The following PCDH15 variants were observed in gnomAD, a reference collection of about 807,000 sequenced individuals.
PCDH15 encodes protocadherin related 15.
Under a neutral mutation model 178.5 loss-of-function variants are expected in PCDH15, and 129 were observed. That is an observed-to-expected ratio of 0.72 (90% CI 0.63 to 0.84). PCDH15 has a LOEUF of 0.84. Ranked by LOEUF, PCDH15 falls within the 40% of genes least tolerant of loss-of-function variation. PCDH15 has a pLI of 0.00. For missense variants in PCDH15, 2,230 were observed against 2,099.9 expected (o/e 1.06, Z -1.21); for synonymous variants, 800 against 732.0 (o/e 1.09, Z -1.50).
At chr10:54,897,967 G>C (rs1954573733) in intron 2 of PCDH15, among the ~76,000 whole-genome samples, 1 of 152,062 alleles carries the variant, frequency 6.6e-6, no homozygotes. Context: ...ATATAGTTTG[G>C]ATATCCCCTC....
intron 18 of PCDH15, among the ~76,000 whole-genome samples, chr10:54,063,346 A>G (rs963016506): frequency 6.6e-6 from 1 of 151,958 alleles, no homozygotes; most frequent in African/African-American, 2.4e-5. Flanking sequence ...ACAGATTCCA[A>G]CTTCTCTCAA....
At chr10:54,266,413 A>G (rs1736495923) in intron 8 of PCDH15, among the ~76,000 whole-genome samples, 1 of 151,896 alleles carries the variant, frequency 6.6e-6, no homozygotes, top group Admixed American at 6.6e-5. Context: ...AAACAAGAAA[A>G]AAACTATATC....
chr10:55,138,017 C>T (rs993066718), intron 2 of PCDH15, among the ~76,000 whole-genome samples: 7 of 152,172 alleles, frequency 4.6e-5, no homozygotes, highest in Admixed American at 2.0e-4. Context: ...TTCTTCCCTG[C>T]AGGTACTTTT....
At chr10:54,695,072 G>C (rs2095198877) in intron 1 of PCDH15, among the ~76,000 whole-genome samples, 1 of 151,942 alleles carries the variant, frequency 6.6e-6, no homozygotes, top group South Asian at 2.1e-4. Flanking sequence ...GGTAGGGGGA[G>C]GGGGAGGGGG....
intron 2 of PCDH15, among the ~76,000 whole-genome samples, chr10:55,560,644 G>C (rs1246852699): frequency 3.3e-5 from 5 of 151,762 alleles, no homozygotes; most frequent in Non-Finnish European, 7.4e-5. Flanking sequence ...AATCAATTCA[G>C]TAATGAAAAA....
intron 13 of PCDH15, among the ~76,000 whole-genome samples, chr10:54,175,164 C>T (rs1446842228): frequency 6.6e-6 from 1 of 152,110 alleles, no homozygotes; most frequent in African/African-American, 2.4e-5. Flanking sequence ...ATATAACCCT[C>T]AAACTTTAAT....
chr10:54,460,084 A>T (rs763891256), intron 3 of PCDH15, among the ~76,000 whole-genome samples: 1 of 152,162 alleles, frequency 6.6e-6, no homozygotes, highest in Non-Finnish European at 1.5e-5. Context: ...ATACAGTCTA[A>T]TTTCACTATT....
intron 2 of PCDH15, among the ~76,000 whole-genome samples, chr10:54,943,797 G>A (rs1838121278): frequency 1.3e-5 from 2 of 150,958 alleles, no homozygotes; most frequent in South Asian, 4.2e-4. Flanking sequence ...AAAAAAGCAC[G>A]ATCTTAAGAA....
intron 1 of PCDH15, among the ~76,000 whole-genome samples, chr10:55,231,000 T>C (rs1841201054): frequency 6.6e-6 from 1 of 151,916 alleles, no homozygotes; most frequent in African/African-American, 2.4e-5. Flanking sequence ...AAAAGAAATA[T>C]ATGTAGAGAT....
intron 1 of PCDH15, among the ~76,000 whole-genome samples, chr10:55,261,122 C>A (rs1359224821): frequency 6.6e-6 from 1 of 152,080 alleles, no homozygotes; most frequent in Non-Finnish European, 1.5e-5. Context: ...TTCCATGCAA[C>A]AAATCAAAAT....
At chr10:55,392,842 A>G (rs1248027166) in intron 2 of PCDH15, among the ~76,000 whole-genome samples, 1 of 152,134 alleles carries the variant, frequency 6.6e-6, no homozygotes, top group Non-Finnish European at 1.5e-5. Flanking sequence ...AAAACTATTT[A>G]GCCCTCTTAC....
At chr10:55,253,197 T>C (rs1243120701) in intron 1 of PCDH15, among the ~76,000 whole-genome samples, 1 of 151,392 alleles carries the variant, frequency 6.6e-6, no homozygotes, top group East Asian at 2.0e-4. Flanking sequence ...GGAGAGAGTA[T>C]AGGGCATGGA....
At chr10:54,642,613 T>C (rs2094017573) in intron 2 of PCDH15, among the ~76,000 whole-genome samples, 1 of 152,168 alleles carries the variant, frequency 6.6e-6, no homozygotes, top group Admixed American at 6.5e-5. Flanking sequence ...TTATCAGCTA[T>C]GCAATGAATT....
At chr10:54,720,383 G>GA (rs761620240) in intron 1 of PCDH15, among the ~76,000 whole-genome samples, 14 of 149,768 alleles carry the variant, frequency 9.3e-5, no homozygotes, top group South Asian at 2.1e-4. Flanking sequence ...AGTCAAAGTG[G>GA]AAAAAAAAAT....
intron 2 of PCDH15, among the ~76,000 whole-genome samples, chr10:55,438,601 A>C (rs1387469936): frequency 6.6e-6 from 1 of 152,114 alleles, no homozygotes; most frequent in Non-Finnish European, 1.5e-5. Context: ...AGATGATAAA[A>C]TACAGGAAAA....
chr10:54,709,319 TG>T (rs967627816), intron 1 of PCDH15, among the ~76,000 whole-genome samples: 1 of 152,032 alleles, frequency 6.6e-6, no homozygotes, highest in Admixed American at 6.6e-5. Flanking sequence ...CACTTATTCT[TG>T]GATTGATTGA....
At position 54,697,197 on chromosome 10, in the gene PCDH15, T is replaced by C. The variant is rs73254510; in HGVS notation, c.-28-32907A>G. On this transcript the variant is annotated intron_variant, in intron 1 of 37. Transcript: ENST00000644397. ...ATAAAAAATAGTAACAAATTTCAAA[T>C]AGAATGGAAAGAGTAAATTATCTAA... 8.1e-3 allele frequency among the ~76,000 whole-genome samples: 1,226 copies of C among 152,222 alleles called. 12 individuals are homozygous for C. The highest frequency in any genetic ancestry group is 0.028 in the African/African-American group (1,182 of 41,570).
intron 18 of PCDH15, among the ~76,000 whole-genome samples, chr10:54,029,763 C>T (rs972596360): frequency 2.6e-5 from 4 of 152,106 alleles, no homozygotes; most frequent in African/African-American, 9.7e-5. Flanking sequence ...ATTCATTCCC[C>T]ACCCCTTTTT....
chr10:55,474,101 G>T (rs2132110283), intron 2 of PCDH15, among the ~76,000 whole-genome samples: 1 of 152,246 alleles, frequency 6.6e-6, no homozygotes, highest in East Asian at 1.9e-4. Flanking sequence ...GGTTAAAAAA[G>T]TGAATATTAC....
Sources: gnomAD v4.1 joint callset for allele counts (sites outside exome capture counted in the v4.1 genomes callset) on GRCh38, gnomAD v4.1.1 for gene constraint, MANE v1.5 for transcripts, NCBI Gene and HGNC (gene_info 2026-07-23, HGNC 2026-07-21) for gene names.